TENM1: variants seen among roughly 807,000 people sequenced by gnomAD.
TENM1 encodes the protein teneurin-1.
In TENM1, 35 loss-of-function variants were observed where a neutral mutation model predicts 174.8. That is an observed-to-expected ratio of 0.20 (90% CI 0.15 to 0.27). The LOEUF (loss-of-function observed/expected upper bound fraction) is 0.27. TENM1 is among the 10% of genes least tolerant of loss of function. The probability of loss-of-function intolerance (pLI) is 1.00; values close to 1 mark genes in which losing one functional copy is unlikely to be tolerated. For missense variants in TENM1, 1,633 were observed against 2,130.1 expected (o/e 0.77, Z 4.59); for synonymous variants, 781 against 798.7 (o/e 0.98, Z 0.37).
intron 3 of TENM1, among the ~76,000 whole-genome samples, chrX:124,886,947 G>A (rs1391711115): frequency 9.1e-6 from 1 of 109,754 alleles, no homozygotes; most frequent in East Asian, 2.9e-4. Flanking sequence ...TTGCAGATTG[G>A]GTATTAGAAA....
At chrX:125,063,993 AGTTCAT>A in the TENM1 span, among the ~76,000 whole-genome samples, 1 of 111,424 alleles carries the variant, frequency 9.0e-6, no homozygotes, top group African/African-American at 3.3e-5. Context: ...AAAAAGGATG[AGTTCAT>A]GTCCTTTGTA....
rs370608181 is a variant in TENM1 at position 124,584,980 on chromosome X, G to A, written c.2078-19420C>T. Among the ~76,000 whole-genome samples the A allele has an allele frequency of 4.6e-3, 491 of 107,681 alleles. 5 individuals carry two copies. Among genetic ancestry groups the A allele is most frequent in the African/African-American group, 0.016 (456 of 28,811 alleles). The allele number at this position is 107,681 out of a possible 115,157, so 93.5% of individuals were successfully genotyped here. A position where few individuals can be genotyped will look rare whatever the true frequency, so the allele number is the denominator to read the frequency against. ...GTAAAGGGATCAATTCAACAAGAAG[G>A]GCTAACTATCCTAAATATATATGCA... is the stretch of plus-strand genomic sequence containing the variant. On this transcript the variant is annotated intron_variant, in intron 11 of 31. Transcript: ENST00000422452.
intron 3 of TENM1, among the ~76,000 whole-genome samples, chrX:124,863,495 C>T (rs376194459): frequency 2.7e-5 from 3 of 111,925 alleles, no homozygotes; most frequent in African/African-American, 9.7e-5. Flanking sequence ...CTCCCTGTGG[C>T]CTGGGGTGGC....
chrX:124,518,818 C>T (rs897398118), intron 18 of TENM1, among the ~76,000 whole-genome samples: 2 of 111,789 alleles, frequency 1.8e-5, no homozygotes, highest in Non-Finnish European at 3.8e-5. Flanking sequence ...GAGTTGTTCT[C>T]ATAACCACTA....
intron 20 of TENM1, among the ~76,000 whole-genome samples, chrX:124,493,028 T>G (rs2047107323): frequency 9.0e-6 from 1 of 111,170 alleles, no homozygotes; most frequent in Non-Finnish European, 1.9e-5. Context: ...GCTCTCAAGC[T>G]AAGTGAGAGA....
chrX:124,640,388 C>T (rs1042918269), intron 11 of TENM1, among the ~76,000 whole-genome samples: 11 of 111,503 alleles, frequency 9.9e-5, no homozygotes, highest in Non-Finnish European at 7.5e-5. Flanking sequence ...CTTTTCAGCT[C>T]ATGAGCTAAT....
the TENM1 span, among the ~76,000 whole-genome samples, chrX:125,114,974 T>G: frequency 8.9e-6 from 1 of 111,798 alleles, no homozygotes; most frequent in African/African-American, 3.3e-5. Flanking sequence ...TGATGAACAT[T>G]GATGTGAAAA....
At chrX:124,758,591 G>A (rs774400313) in intron 3 of TENM1, among the ~76,000 whole-genome samples, 5 of 111,732 alleles carry the variant, frequency 4.5e-5, no homozygotes, top group African/African-American at 6.5e-5. Context: ...GCATTCTCAC[G>A]TCCATTGTAT....
At chrX:125,104,642 C>T in the TENM1 span, among the ~76,000 whole-genome samples, 212 of 110,312 alleles carry the variant, frequency 1.9e-3, 1 homozygote, top group African/African-American at 6.6e-3. Context: ...TTTTTTTTAA[C>T]ATAAAACTAC....
At chrX:124,387,387 T>C (rs1171309633) in intron 28 of TENM1, among the ~76,000 whole-genome samples, 2 of 111,618 alleles carry the variant, frequency 1.8e-5, no homozygotes, top group Admixed American at 1.9e-4. Context: ...TCTCATCTTT[T>C]AATAAAAATA....
At chrX:125,109,641 A>G in the TENM1 span, among the ~76,000 whole-genome samples, 1 of 111,481 alleles carries the variant, frequency 9.0e-6, no homozygotes, top group African/African-American at 3.3e-5. Flanking sequence ...GAGAGAGAAA[A>G]GAGAAACATG....
chrX:125,074,024 G>T, the TENM1 span, among the ~76,000 whole-genome samples: 6 of 111,663 alleles, frequency 5.4e-5, no homozygotes, highest in Non-Finnish European at 1.1e-4. Context: ...GCACTGTAAG[G>T]ATTTGCCTCA....
chrX:124,461,795 G>C (rs1033668709), intron 22 of TENM1, among the ~76,000 whole-genome samples: 3 of 110,996 alleles, frequency 2.7e-5, no homozygotes, highest in Non-Finnish European at 5.7e-5. Context: ...ATAAGAACTA[G>C]GGTTTGATAA....
At chrX:124,616,333 T>C (rs772319262) in intron 11 of TENM1, among the ~76,000 whole-genome samples, 1 of 112,795 alleles carries the variant, frequency 8.9e-6, no homozygotes, top group African/African-American at 3.2e-5. Context: ...AATTAAACTA[T>C]ATAAAATACT....
intron 3 of TENM1, among the ~76,000 whole-genome samples, chrX:124,873,043 A>C (rs749420664): frequency 8.9e-6 from 1 of 111,914 alleles, no homozygotes; most frequent in East Asian, 2.8e-4. Flanking sequence ...TGTTAAATTT[A>C]AAATTTAAAA....
chrX:124,736,555 A>G (rs2053675979), intron 4 of TENM1, among the ~76,000 whole-genome samples: 1 of 111,625 alleles, frequency 9.0e-6, no homozygotes, highest in Non-Finnish European at 1.9e-5. Flanking sequence ...AATAGAAATG[A>G]TCACTCCTCC....
chrX:124,446,997 C>G (rs1350967653), intron 23 of TENM1, among the ~76,000 whole-genome samples: 1 of 111,962 alleles, frequency 8.9e-6, no homozygotes, highest in Non-Finnish European at 1.9e-5. Flanking sequence ...TTCCTGTCAG[C>G]AGAAACAATG....
the TENM1 span, among the ~76,000 whole-genome samples, chrX:125,137,544 C>A: frequency 1.8e-5 from 2 of 110,381 alleles, no homozygotes; most frequent in African/African-American, 6.6e-5. Context: ...GATCGACACA[C>A]TGCATGAGCC....
At chrX:124,807,124 T>A (rs893866382) in intron 3 of TENM1, among the ~76,000 whole-genome samples, 2 of 109,229 alleles carry the variant, frequency 1.8e-5, no homozygotes, top group African/African-American at 3.4e-5. Flanking sequence ...AGATCTTACA[T>A]GAACTCAGGG....
Sources: allele counts gnomAD v4.1 joint callset (sites outside exome capture counted in the v4.1 genomes callset), GRCh38; gene constraint gnomAD v4.1.1; transcripts MANE v1.5; gene names NCBI Gene and HGNC (gene_info 2026-07-23, HGNC 2026-07-21).